Variants in DNM3 observed in about 807,000 individuals in gnomAD.
DNM3 encodes the protein dynamin 3, also known as dynamin-3.
Under a neutral mutation model 101.6 loss-of-function variants are expected in DNM3, and 47 were observed. The observed-to-expected ratio is 0.46, with a 90% CI of 0.37 to 0.59. The LOEUF (loss-of-function observed/expected upper bound fraction) is 0.59. DNM3 is among the 20% of genes least tolerant of loss of function. The pLI is 0.00. For synonymous variants in DNM3, 385 were observed against 387.9 expected (o/e 0.99, Z 0.09); for missense variants, 849 against 1,085.7 (o/e 0.78, Z 3.06).
intron 2 of DNM3, among the ~76,000 whole-genome samples, chr1:171,922,644 T>A (rs1280492929): frequency 6.6e-6 from 1 of 152,204 alleles, no homozygotes; most frequent in East Asian, 1.9e-4. Context: ...GCTTTAGAAC[T>A]GTTTGATCAC....
chr1:171,878,901 G>A (rs2036017215), intron 1 of DNM3, among the ~76,000 whole-genome samples: 1 of 151,914 alleles, frequency 6.6e-6, no homozygotes, highest in South Asian at 2.1e-4. Context: ...GGGAATGAAT[G>A]ATCCATCTGA....
At chr1:172,188,896 G>T (rs2059612268) in intron 14 of DNM3, among the ~76,000 whole-genome samples, 1 of 151,892 alleles carries the variant, frequency 6.6e-6, no homozygotes. Flanking sequence ...TTTCTTCATG[G>T]ATTGTGATTT....
chr1:171,854,159 A>G (rs1319950853), intron 1 of DNM3, among the ~76,000 whole-genome samples: 1 of 152,214 alleles, frequency 6.6e-6, no homozygotes, highest in Non-Finnish European at 1.5e-5. Flanking sequence ...GTCAGAACTT[A>G]CAGAGTGTTG....
intron 5 of DNM3, among the ~76,000 whole-genome samples, 167 bp from the exon 6 acceptor site, chr1:172,032,938 C>G (rs2048719965): frequency 6.6e-6 from 1 of 152,064 alleles, no homozygotes; most frequent in African/African-American, 2.4e-5. Flanking sequence ...CAATCAGCAG[C>G]CTGTATTCAA....
intron 13 of DNM3, among the ~76,000 whole-genome samples, chr1:172,095,589 A>G (rs963914506): frequency 6.6e-6 from 1 of 152,168 alleles, no homozygotes; most frequent in East Asian, 1.9e-4. Context: ...GCTCAAATCC[A>G]GGGAGTTTTG....
At chr1:171,965,369 C>A (rs573912516) in intron 2 of DNM3, among the ~76,000 whole-genome samples, 1 of 151,160 alleles carries the variant, frequency 6.6e-6, no homozygotes, top group Admixed American at 6.6e-5. Flanking sequence ...ATGGCAAGAC[C>A]CTGTGTCTAC....
chr1:171,950,757 G>C (rs943026829), intron 2 of DNM3, among the ~76,000 whole-genome samples: 1 of 152,074 alleles, frequency 6.6e-6, no homozygotes, highest in Admixed American at 6.6e-5. Flanking sequence ...CTTTAACTTG[G>C]TTATAATGAT....
At chr1:172,170,655 G>A (rs934485894) in intron 14 of DNM3, among the ~76,000 whole-genome samples, 3 of 151,686 alleles carry the variant, frequency 2.0e-5, no homozygotes, top group East Asian at 1.9e-4. Context: ...TTTATGAATG[G>A]CATATCACAA....
At chr1:172,019,676 T>C (rs78929540) in intron 4 of DNM3, among the ~76,000 whole-genome samples, 7,416 of 149,704 alleles carry the variant, frequency 0.05, 194 homozygotes, top group African/African-American at 0.083. Flanking sequence ...ATTTTTTTTT[T>C]CTTTTCGATT....
At position 172,092,889 on chromosome 1, in the gene DNM3, A is replaced by G. The variant is rs189333172; in HGVS notation, c.1545+14A>G. On this transcript the variant is annotated intron_variant, in intron 13 of 20. Transcript: ENST00000627582. ...GTTGGAAATCAGGTAGGAATTGCATAAGAGAATCAGTGTATGCATGTCCCA... is the reference window on the plus strand; with the variant it reads ...GTTGGAAATCAGGTAGGAATTGCATGAGAGAATCAGTGTATGCATGTCCCA... The G allele has an allele frequency of 9.4e-4, 1,455 of 1,554,970 alleles. 1 individual carries two copies. Among genetic ancestry groups the G allele is most frequent in the Non-Finnish European group, 1.2e-3 (1,349 of 1,148,144 alleles).
intron 14 of DNM3, among the ~76,000 whole-genome samples, chr1:172,158,756 T>G (rs2058437214): frequency 6.6e-6 from 1 of 152,062 alleles, no homozygotes; most frequent in African/African-American, 2.4e-5. Context: ...AAAGTTTTAT[T>G]GATAGGTTTG....
intron 14 of DNM3, chr1:172,136,959 TTA>T (rs1385553229): frequency 1.3e-5 from 2 of 152,170 alleles, no homozygotes; most frequent in Non-Finnish European, 2.9e-5. Flanking sequence ...GGTGTTAACT[TTA>T]TGTTTTAAGG....
At chr1:172,253,027 G>A (rs971743682) in intron 14 of DNM3, among the ~76,000 whole-genome samples, 1 of 151,900 alleles carries the variant, frequency 6.6e-6, no homozygotes, top group African/African-American at 2.4e-5. Flanking sequence ...ATAGTTTATG[G>A]GGGGTATTTC....
intron 14 of DNM3, among the ~76,000 whole-genome samples, chr1:172,194,757 C>T (rs1034883810): frequency 2.0e-5 from 3 of 151,990 alleles, no homozygotes; most frequent in African/African-American, 7.2e-5. Context: ...ACGTGTGTCT[C>T]TGCATGTAAG....
At chr1:172,193,440 A>G (rs1483301964) in intron 14 of DNM3, among the ~76,000 whole-genome samples, 3 of 152,188 alleles carry the variant, frequency 2.0e-5, no homozygotes, top group Non-Finnish European at 4.4e-5. Context: ...GAATGGAACC[A>G]GCTCCTCTTT....
intron 11 of DNM3, among the ~76,000 whole-genome samples, chr1:172,070,595 A>G (rs901179778): frequency 1.3e-5 from 2 of 152,160 alleles, no homozygotes; most frequent in African/African-American, 4.8e-5. Context: ...GTAAAATGGC[A>G]TGTTCAAACT....
chr1:172,255,443 A>T (rs1284153982), intron 15 of DNM3, among the ~76,000 whole-genome samples: 1 of 152,092 alleles, frequency 6.6e-6, no homozygotes, highest in Non-Finnish European at 1.5e-5. Flanking sequence ...AAGTCAAACA[A>T]AATTGAATCC....
rs201822742 is a variant in DNM3, at chr1:172,247,691, A to G, written c.1660-5882A>G. Reference sequence around the variant, plus strand: ...TATTTATTTATTTATTTATTTATTTATTTGTTTATTTTGAGACAGTTTCGC... The same window carrying G: ...TATTTATTTATTTATTTATTTATTTGTTTGTTTATTTTGAGACAGTTTCGC... On this transcript the variant is annotated intron_variant, in intron 14 of 20. Coordinates refer to ENST00000627582, the MANE Select transcript of DNM3 (RefSeq NM_015569.5). Among the ~76,000 whole-genome samples the G allele has an allele frequency of 1.5e-3, 221 of 150,436 alleles. 1 individual carries two copies. Among genetic ancestry groups the G allele is most frequent in the East Asian group, 6.2e-3 (32 of 5,150 alleles).
chr1:171,856,841 T>C (rs570380889), intron 1 of DNM3, among the ~76,000 whole-genome samples: 3 of 152,344 alleles, frequency 2.0e-5, no homozygotes, highest in African/African-American at 7.2e-5. Context: ...TCTTTCTATT[T>C]GGATGCCATT....
Sources: gnomAD v4.1 joint callset for allele counts (sites outside exome capture counted in the v4.1 genomes callset) on GRCh38, gnomAD v4.1.1 for gene constraint, MANE v1.5 for transcripts, NCBI Gene and HGNC (gene_info 2026-07-23, HGNC 2026-07-21) for gene names.